TLE6: variants seen among roughly 807,000 people sequenced by gnomAD.
TLE6 encodes transducin-like enhancer protein 6.
Under a neutral mutation model 77.1 loss-of-function variants are expected in TLE6, and 72 were observed. The ratio of observed to expected loss-of-function variants is 0.93; its 90% CI spans 0.77 to 1.14. The LOEUF (loss-of-function observed/expected upper bound fraction) is 1.14, where lower values mean the gene tolerates loss of function less well. TLE6 is among the 50% of genes most tolerant of loss of function. The pLI is 0.00. For synonymous variants in TLE6, 366 were observed against 287.3 expected (o/e 1.27, Z -2.77); for missense variants, 843 against 747.6 (o/e 1.13, Z -1.49).
chr19:2,986,553 A>G (rs2088915004), intron 5 of TLE6, among the ~76,000 whole-genome samples: 1 of 151,698 alleles, frequency 6.6e-6, no homozygotes, highest in Non-Finnish European at 1.5e-5. Flanking sequence ...ATCTTTACTA[A>G]AAATACAAAA....
At position 2,994,922 on chromosome 19, in the gene TLE6, C is replaced by T. The variant is rs146997057; in HGVS notation, c.1637C>T (p.Thr546Met). ...CAGGTGCCTGAGATGTCTCCAGTCA[C>T]GTGCTGTGACGTCTCTTCCAACAAC... is the stretch of plus-strand genomic sequence containing the variant. The part of the protein sequence containing the change: ...VFEVPEMSPV[T>M]CCDVSSNNRL... Residue 546 changes from threonine (T) to methionine (M), a missense_variant, in exon 17 of 17, where the codon ACG becomes ATG. Thr to Met is a moderately conservative substitution (Grantham distance 81). Transcript: ENST00000246112. 2.6e-5 allele frequency: 41 copies of T among 1,602,992 alleles called. No homozygotes were observed. The highest frequency in any genetic ancestry group is 6.7e-5 in the East Asian group (3 of 44,738).
chr19:2,978,752 C>T (rs1260659835), intron 2 of TLE6, among the ~76,000 whole-genome samples: 1 of 151,766 alleles, frequency 6.6e-6, no homozygotes, highest in African/African-American at 2.4e-5. Context: ...GAGATCCCAT[C>T]TAAAAAAAAA....
At chr19:2,990,429 C>T (rs2089018851) in intron 13 of TLE6, among the ~76,000 whole-genome samples, 1 of 150,882 alleles carries the variant, frequency 6.6e-6, no homozygotes, top group South Asian at 2.1e-4. Flanking sequence ...CGGTGAAACC[C>T]TGTCTCTACT....
Position 2,986,974 on chromosome 19 carries a change from C to T in TLE6, c.286-9C>T. The T allele has an allele frequency of 6.3e-7, 1 of 1,599,938 alleles. No individual in the cohort carries two copies. Among genetic ancestry groups the T allele is most frequent in the Non-Finnish European group, 8.5e-7 (1 of 1,173,258 alleles). The stretch of plus-strand genomic sequence containing the variant: ...CAAAGCTCTCACTGCCTTGTTCCTG[C>T]CGGGCCAGGTCTCACCTGCTGAACC... On this transcript the variant is annotated splice_polypyrimidine_tract_variant and intron_variant, in intron 6 of 16. Coordinates refer to ENST00000246112, the MANE Select transcript of TLE6 (RefSeq NM_001143986.2).
chr19:2,995,054 CTT>C lies in TLE6; in HGVS notation c.*51_*52del, dbSNP rs2089182567. ...TCCGGCTCCTCTTTTCATCCCCCCC[CTT>C]CCCCCCCCCCAACAAGGGGGACATG... On this transcript the variant is annotated 3_prime_UTR_variant, in exon 17 of 17. Coordinates refer to ENST00000246112, the MANE Select transcript of TLE6 (RefSeq NM_001143986.2). 10 of 1,051,780 alleles carry C rather than the reference CTT, an allele frequency of 9.5e-6. No individual in the cohort carries two copies. The highest frequency in any genetic ancestry group is 1.4e-5 in the South Asian group (1 of 69,868). 65.2% of individuals were successfully genotyped at this position (1,051,780 alleles called of 1,614,324 possible). A position where few individuals can be genotyped will look rare whatever the true frequency, so the allele number is the denominator to read the frequency against.
chr19:2,986,679 A>G (rs2088917972), intron 5 of TLE6, 150 bp from the exon 6 acceptor site: 3 of 778,566 alleles, frequency 3.9e-6, no homozygotes, highest in Non-Finnish European at 6.1e-6. Context: ...GCACCACTGC[A>G]CTCCAGCTTG....
chr19:2,981,347 CAAA>C (rs34622024), intron 3 of TLE6, among the ~76,000 whole-genome samples, 188 bp from the exon 4 acceptor site: 5 of 115,238 alleles, frequency 4.3e-5, no homozygotes, highest in African/African-American at 3.1e-5. Flanking sequence ...GACTCTGTCT[CAAA>C]AAAAAAAAAA....
intron 11 of TLE6, 53 bp downstream of exon 11, chr19:2,988,181 C>T (rs1303039369): frequency 6.5e-7 from 1 of 1,527,912 alleles, no homozygotes; most frequent in Non-Finnish European, 8.9e-7. Flanking sequence ...GCGGGAATTC[C>T]TTCCTGTCTA....
intron 2 of TLE6, among the ~76,000 whole-genome samples, 157 bp downstream of exon 2, chr19:2,978,441 C>T (rs1409160374): frequency 1.3e-5 from 2 of 152,050 alleles, no homozygotes; most frequent in African/African-American, 2.4e-5. Context: ...GCCAAGGAGC[C>T]GTGTTTTTTA....
At chr19:2,984,343 C>CT (rs2088861770) in intron 5 of TLE6, 1 of 74,004 alleles carries the variant, frequency 1.4e-5, no homozygotes. Context: ...CCTGGAGTCC[C>CT]CCCCCCCCCG....
At chr19:2,988,038 G>A in intron 10 of TLE6, 53 bp from the exon 11 acceptor site, 3 of 1,569,942 alleles carry the variant, frequency 1.9e-6, no homozygotes, top group Non-Finnish European at 8.6e-7. Flanking sequence ...TAGAGGAGGT[G>A]GGCACAGATG....
intron 12 of TLE6, 83 bp downstream of exon 12, chr19:2,989,396 T>G: frequency 6.3e-7 from 1 of 1,587,728 alleles, no homozygotes; most frequent in Non-Finnish European, 8.6e-7. Context: ...GCCCAGATCG[T>G]GGAGAGAGGG....
intron 5 of TLE6, among the ~76,000 whole-genome samples, chr19:2,986,460 TC>T (rs904786017): frequency 5.3e-5 from 8 of 151,404 alleles, no homozygotes; most frequent in African/African-American, 1.9e-4. Context: ...ATGCCTATAA[TC>T]CCAGCACTTT....
intron 11 of TLE6, 137 bp from the exon 12 acceptor site, chr19:2,988,924 G>A (rs2145049099): frequency 1.5e-6 from 1 of 666,204 alleles, no homozygotes; most frequent in Non-Finnish European, 2.1e-6. Context: ...ATTGAGGGGA[G>A]TCTAGAGGGT....
At chr19:2,982,687 A>C (rs1479396138) in intron 5 of TLE6, among the ~76,000 whole-genome samples, 9 of 151,976 alleles carry the variant, frequency 5.9e-5, no homozygotes, top group African/African-American at 2.2e-4. Context: ...GAGGAGGGAC[A>C]TGCCCTGACT....
chr19:2,978,666 G>C (rs2088729870), intron 2 of TLE6, among the ~76,000 whole-genome samples: 1 of 152,088 alleles, frequency 6.6e-6, no homozygotes. Flanking sequence ...TGAGGCAGAG[G>C]GTTGGCTTGA....
chr19:2,989,698 A>G lies in TLE6; in HGVS notation c.1157A>G (p.Asp386Gly), dbSNP rs1384374530. The G allele has an allele frequency of 1.2e-6, 2 of 1,613,984 alleles. No homozygotes were observed. Among genetic ancestry groups the G allele is most frequent in the East Asian group, 2.2e-5 (1 of 44,882 alleles). ...PCAGLNCQAL[D>G]ANLDANLAFA... ...GCAGGTCTCAACTGCCAGGCCCTGG[A>G]TGCCAACCTGGATGCCAACCTGGCC... Residue 386 changes from aspartate to glycine, a missense_variant, in exon 13 of 17, where the codon GAT (aspartate) becomes GGT (glycine). Physicochemically the swap from Asp to Gly is moderately conservative, Grantham distance 94 (BLOSUM62 -1). Coordinates refer to ENST00000246112, the MANE Select transcript of TLE6 (RefSeq NM_001143986.2).
At chr19:2,994,472 T>A (rs540363525) in intron 16 of TLE6, among the ~76,000 whole-genome samples, 7 of 151,878 alleles carry the variant, frequency 4.6e-5, no homozygotes, top group Non-Finnish European at 1.0e-4. Flanking sequence ...TAGTTGGGCG[T>A]GGTGGTGGGC....
intron 5 of TLE6, among the ~76,000 whole-genome samples, chr19:2,982,557 AGG>A (rs2088820977): frequency 6.8e-6 from 1 of 146,060 alleles, no homozygotes; most frequent in African/African-American, 2.6e-5. Context: ...AAAAAAAAAA[AGG>A]AGGTGGGGGA....
Sources: allele counts gnomAD v4.1 joint callset (sites outside exome capture counted in the v4.1 genomes callset), GRCh38; gene constraint gnomAD v4.1.1; transcripts MANE v1.5; gene names NCBI Gene and HGNC (gene_info 2026-07-23, HGNC 2026-07-21).